CAMK1D: variants seen among roughly 807,000 people sequenced by gnomAD.
CAMK1D encodes the protein calcium/calmodulin-dependent protein kinase type 1D.
CAMK1D carries 9 observed loss-of-function variants against 47.7 expected under a neutral mutation model. The ratio of observed to expected loss-of-function variants is 0.19; its 90% confidence interval spans 0.11 to 0.33. The LOEUF is 0.33. Ranked by LOEUF, CAMK1D falls within the 10% of genes least tolerant of loss-of-function variation. The probability of loss-of-function intolerance (pLI) is 1.00; values close to 1 mark genes in which losing one functional copy is unlikely to be tolerated. For synonymous variants in CAMK1D, 184 were observed against 184.9 expected (o/e 0.99, Z 0.04); for missense variants, 291 against 488.7 (o/e 0.60, Z 3.81).
chr10:12,563,318 C>T (rs1049264859), intron 2 of CAMK1D, among the ~76,000 whole-genome samples: 2 of 152,030 alleles, frequency 1.3e-5, no homozygotes, highest in South Asian at 2.1e-4. Context: ...GACACCACTG[C>T]ACCCCAGTCT....
intron 1 of CAMK1D, among the ~76,000 whole-genome samples, chr10:12,397,405 C>A (rs948641312): frequency 2.6e-5 from 4 of 152,092 alleles, no homozygotes; most frequent in Non-Finnish European, 5.9e-5. Flanking sequence ...TTCTTCCAGT[C>A]CTGGCTTCTC....
At chr10:12,522,347 C>CCGCCT (rs1564388908) in intron 1 of CAMK1D, among the ~76,000 whole-genome samples, 10 of 96,676 alleles carry the variant, frequency 1.0e-4, no homozygotes, top group Non-Finnish European at 1.8e-4. Context: ...CCCTGCGGCC[C>CCGCCT]TCCGCAGTGT....
At chr10:12,424,227 C>CG (rs1369414327) in intron 1 of CAMK1D, among the ~76,000 whole-genome samples, 1 of 152,102 alleles carries the variant, frequency 6.6e-6, no homozygotes, top group Non-Finnish European at 1.5e-5. Flanking sequence ...CAGTGTGAGT[C>CG]TAAGTGAGCT....
At chr10:12,360,144 G>A (rs1301200431) in intron 1 of CAMK1D, among the ~76,000 whole-genome samples, 2 of 152,194 alleles carry the variant, frequency 1.3e-5, no homozygotes, top group East Asian at 3.8e-4. Context: ...AGTATTTCTA[G>A]TTGTTGAGAG....
chr10:12,427,567 A>T (rs937662450), intron 1 of CAMK1D, among the ~76,000 whole-genome samples: 1 of 152,122 alleles, frequency 6.6e-6, no homozygotes, highest in South Asian at 2.1e-4. Flanking sequence ...GAGAATAACC[A>T]GCGCCCCAGC....
chr10:12,771,403 A>T (rs80159133), intron 5 of CAMK1D, among the ~76,000 whole-genome samples: 6,144 of 152,250 alleles, frequency 0.04, 307 homozygotes, highest in African/African-American at 0.12. Context: ...ACTAAAGGAG[A>T]TACAAGGGGT....
At chr10:12,788,046 T>C (rs1486233645) in intron 5 of CAMK1D, among the ~76,000 whole-genome samples, 2 of 152,182 alleles carry the variant, frequency 1.3e-5, no homozygotes, top group Non-Finnish European at 2.9e-5. Flanking sequence ...ACAAGAGATG[T>C]ATATTCTTGT....
chr10:12,751,366 A>G (rs969651296), intron 3 of CAMK1D, among the ~76,000 whole-genome samples: 2 of 152,082 alleles, frequency 1.3e-5, no homozygotes, highest in Admixed American at 6.6e-5. Context: ...TGATCCTTCC[A>G]TCTCAGCCTC....
chr10:12,730,948 G>A (rs559410212), intron 3 of CAMK1D, among the ~76,000 whole-genome samples: 1 of 152,314 alleles, frequency 6.6e-6, no homozygotes, highest in African/African-American at 2.4e-5. Context: ...ATTTAAATGT[G>A]AGAATGAAAG....
chr10:12,626,822 C>G (rs1839231526), intron 2 of CAMK1D, among the ~76,000 whole-genome samples: 1 of 152,206 alleles, frequency 6.6e-6, no homozygotes, highest in Admixed American at 6.5e-5. Flanking sequence ...TTTCTTGATT[C>G]ATCTGTTTTA....
intron 2 of CAMK1D, among the ~76,000 whole-genome samples, chr10:12,566,887 C>G (rs369603629): frequency 6.6e-6 from 1 of 152,310 alleles, no homozygotes; most frequent in East Asian, 1.9e-4. Flanking sequence ...GCTGTTCTTT[C>G]TGACTTCCCC....
chr10:12,451,281 C>T (rs544225210), intron 1 of CAMK1D, among the ~76,000 whole-genome samples: 30 of 152,324 alleles, frequency 2.0e-4, no homozygotes, highest in Middle Eastern at 3.4e-3. Context: ...GGGCTTCCCA[C>T]GGGTTCCCAA....
intron 3 of CAMK1D, among the ~76,000 whole-genome samples, chr10:12,681,666 C>A (rs545253314): frequency 6.6e-6 from 1 of 152,184 alleles, no homozygotes; most frequent in African/African-American, 2.4e-5. Flanking sequence ...GCCCCATAGT[C>A]TTTGAAGAAG....
chr10:12,724,967 G>C (rs1285131883), intron 3 of CAMK1D, among the ~76,000 whole-genome samples: 1 of 152,154 alleles, frequency 6.6e-6, no homozygotes, highest in Non-Finnish European at 1.5e-5. Context: ...AAGAAAAAAG[G>C]CACGTTTCTT....
In CAMK1D at chr10:12,518,886, T is replaced by A. The variant is rs1457812165; in HGVS notation, c.93-34339T>A. Among the ~76,000 whole-genome samples the A allele has an allele frequency of 6.2e-5, 8 of 128,662 alleles. 1 individual carries two copies. Among genetic ancestry groups the A allele is most frequent in the African/African-American group, 2.0e-4 (7 of 34,392 alleles). 84.4% of individuals were successfully genotyped at this position (128,662 alleles called of 152,430 possible). ...AAATGAAAAGTCTCCCATATCTACT[T>A]CTTTCTACACAGACCCGGCAACCAT... On this transcript the variant is annotated intron_variant, in intron 1 of 10. Coordinates refer to ENST00000619168, the MANE Select transcript of CAMK1D (RefSeq NM_153498.4).
intron 6 of CAMK1D, among the ~76,000 whole-genome samples, chr10:12,804,012 C>T (rs1291567415): frequency 6.6e-6 from 1 of 152,096 alleles, no homozygotes; most frequent in East Asian, 1.9e-4. Flanking sequence ...CCCTGGAGGC[C>T]GTTGTTGGGG....
At chr10:12,581,973 T>C (rs1280690267) in intron 2 of CAMK1D, among the ~76,000 whole-genome samples, 1 of 152,226 alleles carries the variant, frequency 6.6e-6, no homozygotes, top group African/African-American at 2.4e-5. Context: ...TAAGCCAATG[T>C]CTAGAGGGGT....
At chr10:12,658,211 C>T (rs1460191369) in intron 2 of CAMK1D, among the ~76,000 whole-genome samples, 1 of 152,116 alleles carries the variant, frequency 6.6e-6, no homozygotes, top group Non-Finnish European at 1.5e-5. Context: ...CTGTGAGAAA[C>T]AGCAAAGGGT....
intron 1 of CAMK1D, among the ~76,000 whole-genome samples, chr10:12,444,450 A>G (rs73569404): frequency 0.017 from 2,536 of 152,288 alleles, 47 homozygotes; most frequent in East Asian, 0.056. Context: ...CTTCTGAGCC[A>G]AATATCAATG....
Sources: allele counts gnomAD v4.1 joint callset (sites outside exome capture counted in the v4.1 genomes callset), GRCh38; gene constraint gnomAD v4.1.1; transcripts MANE v1.5; gene names NCBI Gene and HGNC (gene_info 2026-07-23, HGNC 2026-07-21).